EFNA5: variants seen among roughly 807,000 people sequenced by gnomAD.
The protein encoded by EFNA5 is ephrin-A5.
A neutral mutation model predicts 22.9 loss-of-function variants in EFNA5; 5 were observed. That is an observed-to-expected ratio of 0.22 (90% CI 0.11 to 0.46). The LOEUF (loss-of-function observed/expected upper bound fraction) is 0.46, where lower values mean the gene tolerates loss of function less well. Ranked by LOEUF, EFNA5 falls within the 20% of genes least tolerant of loss-of-function variation. The probability of loss-of-function intolerance (pLI) is 0.99; values close to 1 mark genes in which losing one functional copy is unlikely to be tolerated. For synonymous variants in EFNA5, 113 were observed against 112.2 expected (o/e 1.01, Z -0.04); for missense variants, 237 against 293.3 (o/e 0.81, Z 1.40).
Position 107,667,005 on chromosome 5 carries a change from T to A in EFNA5, c.125+3484A>T, listed in dbSNP as rs146825863. 2.6e-5 allele frequency among the ~76,000 whole-genome samples: 4 copies of A among 152,246 alleles called. No homozygotes were observed. In the East Asian group the frequency reaches 7.7e-4, roughly 29 times the overall value. On this transcript the variant is annotated intron_variant, in intron 1 of 4. Coordinates refer to ENST00000333274, the MANE Select transcript of EFNA5 (RefSeq NM_001962.3). The stretch of plus-strand genomic sequence containing the variant: ...CATTCTTAAAGAAATTAAGGACAAA[T>A]AGTTATATTCTTCTTGATGTGGATT...
chr5:107,386,311 C>G (rs1490014972), intron 4 of EFNA5, among the ~76,000 whole-genome samples: 1 of 152,016 alleles, frequency 6.6e-6, no homozygotes, highest in Non-Finnish European at 1.5e-5. Flanking sequence ...GAGGACACCA[C>G]AGAGGAAGGA....
At chr5:107,542,061 C>G (rs1436735804) in intron 1 of EFNA5, among the ~76,000 whole-genome samples, 1 of 152,080 alleles carries the variant, frequency 6.6e-6, no homozygotes, top group Non-Finnish European at 1.5e-5. Context: ...CAAAACAAAT[C>G]ACGACATTTT....
At chr5:107,395,934 G>A (rs771156541) in intron 2 of EFNA5, among the ~76,000 whole-genome samples, 2 of 152,094 alleles carry the variant, frequency 1.3e-5, no homozygotes, top group African/African-American at 2.4e-5. Flanking sequence ...TTCTCCACAG[G>A]CTCCCTTTGC....
At chr5:107,382,852 CT>C (rs1561362513) in intron 4 of EFNA5, among the ~76,000 whole-genome samples, 1 of 152,154 alleles carries the variant, frequency 6.6e-6, no homozygotes, top group African/African-American at 2.4e-5. Flanking sequence ...CTCAATTATA[CT>C]GACCTCAAAG....
chr5:107,466,275 T>C (rs1437116984), intron 1 of EFNA5, among the ~76,000 whole-genome samples: 1 of 152,116 alleles, frequency 6.6e-6, no homozygotes, highest in Non-Finnish European at 1.5e-5. Flanking sequence ...CCATGATGTG[T>C]CAAAGGTGCA....
chr5:107,570,532 G>A (rs775436841), intron 1 of EFNA5, among the ~76,000 whole-genome samples: 4 of 151,904 alleles, frequency 2.6e-5, no homozygotes, highest in Non-Finnish European at 5.9e-5. Flanking sequence ...TTGCATGTGA[G>A]CAATTATAGC....
rs774892461 is a variant in EFNA5, at chr5:107,427,059, A to G, written c.418+158T>C. The G allele has an allele frequency of 3.2e-4, 247 of 764,182 alleles. 1 individual carries two copies. The highest frequency in any genetic ancestry group is 4.9e-4 in the Non-Finnish European group (231 of 474,262). The allele number at this position is 764,182 out of a possible 1,614,324, so 47.3% of individuals were successfully genotyped here. On this transcript the variant is annotated intron_variant, in intron 2 of 4. Transcript: ENST00000333274. ...GTCTTTAATCTAATTTGTGCTCTCA[A>G]TTCCCAGCTAATGTATCTAGGGATC...
chr5:107,548,283 A>G (rs1748214120), intron 1 of EFNA5, among the ~76,000 whole-genome samples: 1 of 152,214 alleles, frequency 6.6e-6, no homozygotes, highest in African/African-American at 2.4e-5. Flanking sequence ...TAGAACCAAC[A>G]TAAATTTTAT....
At chr5:107,514,400 A>C (rs1394936717) in intron 1 of EFNA5, among the ~76,000 whole-genome samples, 2 of 152,198 alleles carry the variant, frequency 1.3e-5, no homozygotes, top group African/African-American at 2.4e-5. Flanking sequence ...TGCAGAGAGA[A>C]AGAAAAGGTT....
In EFNA5 at chr5:107,670,602, C is replaced by G; in HGVS notation, c.12G>C (p.Val4=). Reference sequence around the variant, plus strand: ...CCAGAAACACCAGCGTCAACATCTCCACGTGCAACATCACGCCTGGCCAGC... The same window carrying G: ...CCAGAAACACCAGCGTCAACATCTCGACGTGCAACATCACGCCTGGCCAGC... The part of the protein sequence containing the change: MLH[V]EMLTLVFLVL... The change falls in exon 1 of 5, where the codon GTG becomes GTC. Residue 4 remains valine (V), a synonymous_variant. Coordinates refer to ENST00000333274, the MANE Select transcript of EFNA5 (RefSeq NM_001962.3). 1 of 1,603,520 alleles carries G rather than the reference C, an allele frequency of 6.2e-7. No individual in the cohort carries two copies. The highest frequency in any genetic ancestry group is 2.3e-5 in the East Asian group (1 of 43,846).
intron 1 of EFNA5, among the ~76,000 whole-genome samples, chr5:107,521,848 G>A (rs572798979): frequency 9.2e-5 from 14 of 151,972 alleles, no homozygotes; most frequent in South Asian, 8.3e-4. Context: ...GTCAGTTCCC[G>A]CTATGTTTTC....
At chr5:107,591,876 TATATAATATATATATTATATATA>T in intron 1 of EFNA5, among the ~76,000 whole-genome samples, 1 of 35,492 alleles carries the variant, frequency 2.8e-5, no homozygotes, top group Non-Finnish European at 4.6e-5. Flanking sequence ...ATATATATAA[TATATAATATATATATTATATATA>T]ATATATAATA....
At chr5:107,555,894 T>C (rs763263385) in intron 1 of EFNA5, among the ~76,000 whole-genome samples, 1 of 152,152 alleles carries the variant, frequency 6.6e-6, no homozygotes, top group Non-Finnish European at 1.5e-5. Flanking sequence ...GAGTAAAACA[T>C]CCTGGTCCTT....
intron 1 of EFNA5, among the ~76,000 whole-genome samples, chr5:107,542,519 C>T (rs1198206468): frequency 6.6e-6 from 1 of 151,632 alleles, no homozygotes; most frequent in Non-Finnish European, 1.5e-5. Context: ...ATAAACTTCC[C>T]ACTTTCCTTT....
chr5:107,645,367 C>T (rs1053641891), intron 1 of EFNA5, among the ~76,000 whole-genome samples: 7 of 152,140 alleles, frequency 4.6e-5, no homozygotes, highest in African/African-American at 1.7e-4. Flanking sequence ...CCCAACTGAC[C>T]GAATTAAATT....
At position 107,616,955 on chromosome 5, in the gene EFNA5, T is replaced by A. The variant is rs190951333; in HGVS notation, c.125+53534A>T. Among the ~76,000 whole-genome samples, 162 of 152,218 alleles carry A rather than the reference T, an allele frequency of 1.1e-3. 1 individual carries two copies. The highest frequency in any genetic ancestry group is 3.6e-3 in the African/African-American group (151 of 41,548). On this transcript the variant is annotated intron_variant, in intron 1 of 4. Transcript: ENST00000333274. The stretch of plus-strand genomic sequence containing the variant: ...CAATCAGGGGATCAATTTCTACTCC[T>A]TTGCCTGATTGTTATGTCTAAGGGC...
At chr5:107,645,639 T>C (rs1750620468) in intron 1 of EFNA5, among the ~76,000 whole-genome samples, 7 of 152,234 alleles carry the variant, frequency 4.6e-5, no homozygotes, top group Admixed American at 4.6e-4. Context: ...GTAGTTCTTT[T>C]CATTCACATC....
chr5:107,632,101 T>G (rs1750267088), intron 1 of EFNA5, among the ~76,000 whole-genome samples: 1 of 152,176 alleles, frequency 6.6e-6, no homozygotes, highest in Non-Finnish European at 1.5e-5. Context: ...AACAACTGGT[T>G]CTCTAATTCC....
chr5:107,504,361 A>C (rs1747205665), intron 1 of EFNA5, among the ~76,000 whole-genome samples: 1 of 152,102 alleles, frequency 6.6e-6, no homozygotes, highest in Admixed American at 6.5e-5. Flanking sequence ...ATGTGTCCCT[A>C]CACTCGAAGA....
Sources: gnomAD v4.1 joint callset for allele counts (sites outside exome capture counted in the v4.1 genomes callset) on GRCh38, gnomAD v4.1.1 for gene constraint, MANE v1.5 for transcripts, NCBI Gene and HGNC (gene_info 2026-07-23, HGNC 2026-07-21) for gene names.